Variants in GOLM1 observed in about 807,000 individuals in gnomAD.
GOLM1 encodes the protein epididymis luminal protein 46.
Under a neutral mutation model 50.5 loss-of-function variants are expected in GOLM1, and 31 were observed. The observed-to-expected ratio is 0.61, with a 90% CI of 0.46 to 0.83. GOLM1 has a LOEUF of 0.83. Among genes scored for constraint, GOLM1 ranks in the 40% least tolerant of loss-of-function variants. The pLI is 0.00. For synonymous variants in GOLM1, 178 were observed against 192.8 expected (o/e 0.92, Z 0.64); for missense variants, 491 against 501.3 (o/e 0.98, Z 0.20).
At chr9:86,069,340 G>A (rs893639617) in intron 3 of GOLM1, among the ~76,000 whole-genome samples, 1 of 152,154 alleles carries the variant, frequency 6.6e-6, no homozygotes, top group Non-Finnish European at 1.5e-5. Flanking sequence ...CACAGAAAAG[G>A]AAGTGTGGTG....
At position 86,036,425 on chromosome 9, in the gene GOLM1, A is replaced by G; in HGVS notation, c.680T>C (p.Val227Ala). Residue 227 changes from valine (V) to alanine (A), a missense_variant, in exon 7 of 10, where the codon GTG (valine) becomes GCG (alanine). Val to Ala is a moderately conservative substitution (Grantham distance 64). Transcript: ENST00000388712. Reference sequence around the variant, plus strand: ...TGTCTGGGACTTGCTGTTACCAAGCACGTTTCCCTTCCCTTGTGGCACCTC... The same window carrying G: ...TGTCTGGGACTTGCTGTTACCAAGCGCGTTTCCCTTCCCTTGTGGCACCTC... ...HTEVPQGKGNVLGNSKSQTPA... is the reference protein window; with the variant it reads ...HTEVPQGKGNALGNSKSQTPA... The G allele has an allele frequency of 6.2e-7, 1 of 1,614,162 alleles. No homozygotes were observed. Among genetic ancestry groups the G allele is most frequent in the Non-Finnish European group, 8.5e-7 (1 of 1,180,014 alleles).
intron 1 of GOLM1, among the ~76,000 whole-genome samples, chr9:86,090,855 G>A (rs549088429): frequency 6.7e-4 from 100 of 148,908 alleles, no homozygotes; most frequent in African/African-American, 2.4e-3. Flanking sequence ...TGGCCGCCCA[G>A]TTTTGTGCTT....
rs1833038546 is a variant in GOLM1 at position 86,033,319 on chromosome 9, C to G, written c.1092G>C (p.Lys364Asn). 6.2e-7 allele frequency: 1 copy of G among 1,612,452 alleles called. No homozygotes were observed. Among genetic ancestry groups the G allele is most frequent in the Non-Finnish European group, 8.5e-7 (1 of 1,178,542 alleles). Residue 364 changes from lysine to asparagine, a missense_variant, in exon 9 of 10, where the codon AAG becomes AAC. Coordinates refer to ENST00000388712, the MANE Select transcript of GOLM1 (RefSeq NM_016548.4). ...TGTCATTCCCTGCCAGGGCTGCTTG[C>G]TTGTCTGTCTCAGATTCTGCTTCAT... is the stretch of plus-strand genomic sequence containing the variant. ...DENEAESETDKQAALAGNDRN... is the reference protein window; with the variant it reads ...DENEAESETDNQAALAGNDRN...
Position 86,035,564 on chromosome 9 carries a change from C to T in GOLM1, c.819G>A (p.Glu273=), listed in dbSNP as rs756460815. The T allele has an allele frequency of 5.6e-6, 9 of 1,609,626 alleles. No individual in the cohort carries two copies. The highest frequency in any genetic ancestry group is 7.6e-6 in the Non-Finnish European group (9 of 1,179,912). The part of the protein sequence containing the change: ...EEPQRDRLPQ[E]PGREQVVEDR... ...CTTCCACCACCTGCTCCCGGCCTGG[C>T]TCCTGCGGCAGCCTGTCCCTCTGAG... is the stretch of plus-strand genomic sequence containing the variant. The change falls in exon 8 of 10, where the codon GAG becomes GAA. Residue 273 remains glutamate, a synonymous_variant. Coordinates refer to ENST00000388712, the MANE Select transcript of GOLM1 (RefSeq NM_016548.4).
intron 8 of GOLM1, chr9:86,035,010 A>T (rs1034054925): frequency 1.0e-6 from 1 of 985,098 alleles, no homozygotes; most frequent in African/African-American, 1.7e-5. Flanking sequence ...GATTGTCTAA[A>T]TGGCACCAGA....
intron 1 of GOLM1, among the ~76,000 whole-genome samples, chr9:86,084,027 G>A (rs1401306920): frequency 6.6e-6 from 1 of 152,108 alleles, no homozygotes; most frequent in Non-Finnish European, 1.5e-5. Flanking sequence ...TATAATAAAT[G>A]CCCAATGTTA....
chr9:86,046,601 G>A (rs774461037), intron 4 of GOLM1, 29 bp from the exon 5 acceptor site: 2 of 1,389,950 alleles, frequency 1.4e-6, no homozygotes, highest in African/African-American at 1.4e-5. Context: ...GAATTGCACA[G>A]GTCACCGGCA....
At chr9:86,052,512 G>A (rs1345325763) in intron 4 of GOLM1, 25 bp downstream of exon 4, 1 of 1,607,392 alleles carries the variant, frequency 6.2e-7, no homozygotes, top group Non-Finnish European at 8.5e-7. Context: ...CCAGTGCCTG[G>A]TGTGGAGGAG....
At chr9:86,046,654 C>G (rs1833555450) in intron 4 of GOLM1, 82 bp from the exon 5 acceptor site, 8 of 804,992 alleles carry the variant, frequency 9.9e-6, no homozygotes, top group Non-Finnish European at 1.5e-5. Flanking sequence ...GAGGCAGACT[C>G]ACACATCAGA....
intron 6 of GOLM1, among the ~76,000 whole-genome samples, chr9:86,039,313 AG>A (rs1336129762): frequency 2.6e-5 from 4 of 152,200 alleles, no homozygotes; most frequent in Non-Finnish European, 5.9e-5. Flanking sequence ...AGAGTTGGCA[AG>A]GATGTGAAGA....
intron 5 of GOLM1, among the ~76,000 whole-genome samples, chr9:86,041,738 G>T (rs779098317): frequency 2.0e-5 from 3 of 152,172 alleles, no homozygotes; most frequent in Non-Finnish European, 4.4e-5. Context: ...GACACATCAA[G>T]ACTTGTGGCT....
At position 86,070,743 on chromosome 9, in the gene GOLM1, C is replaced by G. The variant is rs141326502; in HGVS notation, c.309+6669G>C. 4.0e-3 allele frequency among the ~76,000 whole-genome samples: 615 copies of G among 152,174 alleles called. 5 individuals carry two copies. Among genetic ancestry groups the G allele is most frequent in the African/African-American group, 0.014 (591 of 41,510 alleles). On this transcript the variant is annotated intron_variant, in intron 3 of 9. Transcript: ENST00000388712. Reference sequence around the variant, plus strand: ...CCCATTCATTCATTTACCACGAACTCGAACTTTTACTAAGTAACAGTCTCA... The same window carrying G: ...CCCATTCATTCATTTACCACGAACTGGAACTTTTACTAAGTAACAGTCTCA...
At chr9:86,095,838 A>T (rs1403382338) in intron 1 of GOLM1, among the ~76,000 whole-genome samples, 1 of 152,200 alleles carries the variant, frequency 6.6e-6, no homozygotes, top group Non-Finnish European at 1.5e-5. Context: ...GATGCCATGA[A>T]GTGATATTAG....
At position 86,049,256 on chromosome 9, in the gene GOLM1, C is replaced by T. The variant is rs187508278; in HGVS notation, c.365-2684G>A. On this transcript the variant is annotated intron_variant, in intron 4 of 9. Coordinates refer to ENST00000388712, the MANE Select transcript of GOLM1 (RefSeq NM_016548.4). Reference sequence around the variant, plus strand: ...TCTCTGTTTTGGTACCAGTACCATGCTGCTTTGGTTACTGTAGCCTTGTAG... The same window carrying T: ...TCTCTGTTTTGGTACCAGTACCATGTTGCTTTGGTTACTGTAGCCTTGTAG... 3.3e-5 allele frequency among the ~76,000 whole-genome samples: 5 copies of T among 152,300 alleles called. No homozygotes were observed. In the South Asian group the frequency reaches 1.0e-3, roughly 32 times the overall value.
intron 9 of GOLM1, among the ~76,000 whole-genome samples, chr9:86,031,225 A>G (rs545592747): frequency 2.0e-4 from 31 of 152,046 alleles, no homozygotes; most frequent in Non-Finnish European, 3.4e-4. Flanking sequence ...GAAAAAAAAA[A>G]AGGGCATCGG....
chr9:86,048,030 TCCCCCCA>T (rs1248905900), intron 4 of GOLM1, among the ~76,000 whole-genome samples: 5 of 57,904 alleles, frequency 8.6e-5, no homozygotes, highest in East Asian at 6.3e-4. Flanking sequence ...CCCTCCCCCC[TCCCCCCA>T]CCCCACGACA....
At chr9:86,079,364 T>C (rs112769916) in intron 1 of GOLM1, 23 bp from the exon 2 acceptor site, 14 of 1,539,722 alleles carry the variant, frequency 9.1e-6, no homozygotes, top group Non-Finnish European at 1.1e-5. Flanking sequence ...AGCAAATAAA[T>C]AAACATCAAT....
intron 3 of GOLM1, among the ~76,000 whole-genome samples, chr9:86,054,023 C>A (rs1564347887): frequency 6.6e-6 from 1 of 152,164 alleles, no homozygotes; most frequent in Non-Finnish European, 1.5e-5. Flanking sequence ...TAACTTCTGG[C>A]CTCCTTCTCC....
At chr9:86,056,537 C>T (rs1833995008) in intron 3 of GOLM1, among the ~76,000 whole-genome samples, 7 of 145,396 alleles carry the variant, frequency 4.8e-5, no homozygotes, top group Admixed American at 2.8e-4. Flanking sequence ...GACGAAGTCT[C>T]GCCTGTCGCC....
Sources: allele counts gnomAD v4.1 joint callset (sites outside exome capture counted in the v4.1 genomes callset), GRCh38; gene constraint gnomAD v4.1.1; transcripts MANE v1.5; gene names NCBI Gene and HGNC (gene_info 2026-07-23, HGNC 2026-07-21).